HAUS7: variants seen among roughly 807,000 people sequenced by gnomAD.
HAUS7 encodes the protein HAUS augmin-like complex subunit 7.
In HAUS7, 3 loss-of-function variants were observed where a neutral mutation model predicts 28.4. That is an observed-to-expected ratio of 0.11 (90% CI 0.05 to 0.27). HAUS7 has a LOEUF of 0.27. HAUS7 is among the 10% of genes least tolerant of loss of function. HAUS7 has a pLI of 1.00. For synonymous variants in HAUS7, 165 were observed against 132.1 expected, an observed-to-expected ratio of 1.25 and a Z score of -1.71; for missense variants, 284 against 297.3, an observed-to-expected ratio of 0.96 and a Z score of 0.33.
rs782312824 is a variant in HAUS7 at position 153,456,566 on chromosome X, G to A, written c.532C>T (p.Leu178=). ...LFSSPHLQML[L]NPECDPWPLD... is the part of the protein sequence containing the mutation. ...GGCCACGGGTCGCACTCTGGATTCAGGAGCATCTGCAGGTGGGGGCTAGAG... is the reference window on the plus strand; with the variant it reads ...GGCCACGGGTCGCACTCTGGATTCAAGAGCATCTGCAGGTGGGGGCTAGAG... The change falls in exon 6 of 10, where the codon CTG becomes TTG. Residue 178 remains leucine (L), a synonymous_variant. Transcript: ENST00000370211. 7.6e-6 allele frequency: 9 copies of A among 1,177,982 alleles called. No individual in the cohort carries two copies. The highest frequency in any genetic ancestry group is 1.0e-5 in the Non-Finnish European group (9 of 877,464).
At chrX:153,481,583 G>C in intron 1 of HAUS7, 1 of 756,143 alleles carries the variant, frequency 1.3e-6, no homozygotes, top group Non-Finnish European at 1.6e-6. Context: ...ATCGCCTGTG[G>C]CAATGTCAAG....
chrX:153,475,054 C>T (rs199514286), upstream of HAUS7, among the ~76,000 whole-genome samples: 14 of 112,454 alleles, frequency 1.2e-4, no homozygotes, highest in East Asian at 8.4e-4. Flanking sequence ...CCGAGCTCCC[C>T]GGCCGGGCCT....
At chrX:153,455,398 G>GCCCAGCCCCT (rs376879439) in intron 8 of HAUS7, 144 bp downstream of exon 8, 10,475 of 465,240 alleles carry the variant, frequency 0.023, 571 homozygotes, top group African/African-American at 0.18. Flanking sequence ...AGGGAGCCCA[G>GCCCAGCCCCT]CCCAGCCCCT....
chrX:153,471,269 T>C (rs1045179986), upstream of HAUS7: 5 of 225,596 alleles, frequency 2.2e-5, no homozygotes, highest in African/African-American at 1.4e-4. Flanking sequence ...CCCACTGGGT[T>C]GCTAATGAGG....
intron 1 of HAUS7, among the ~76,000 whole-genome samples, chrX:153,485,379 T>G (rs1556988263): frequency 9.0e-6 from 1 of 111,267 alleles, no homozygotes; most frequent in African/African-American, 3.3e-5. Flanking sequence ...ATTTTAGGCG[T>G]CACCCTCTGA....
upstream of HAUS7, among the ~76,000 whole-genome samples, chrX:153,474,730 CGG>C (rs2089551023): frequency 4.5e-5 from 1 of 22,142 alleles, no homozygotes; most frequent in Non-Finnish European, 9.7e-5. Context: ...GGGGCGGGGG[CGG>C]GGGCGCGGGC....
At chrX:153,481,687 G>A (rs931432451) in intron 1 of HAUS7, 25 of 749,775 alleles carry the variant, frequency 3.3e-5, no homozygotes, top group Non-Finnish European at 3.8e-5. Context: ...CCCTGCAGCA[G>A]GGGTGAGAAG....
intron 1 of HAUS7, chrX:153,486,856 G>A (rs889134598): frequency 1.0e-6 from 1 of 955,457 alleles, no homozygotes; most frequent in Admixed American, 3.0e-5. Flanking sequence ...TTCTCGAGGG[G>A]GTGGAGGGGC....
chrX:153,483,987 G>A (rs1434495090), intron 1 of HAUS7, among the ~76,000 whole-genome samples: 1 of 112,283 alleles, frequency 8.9e-6, no homozygotes, highest in Non-Finnish European at 1.9e-5. Flanking sequence ...GCCACAAGCT[G>A]GGTGGCTTCA....
chrX:153,448,261 G>A (rs1556980456), intron 9 of HAUS7, among the ~76,000 whole-genome samples: 1 of 109,485 alleles, frequency 9.1e-6, no homozygotes, highest in Admixed American at 9.8e-5. Flanking sequence ...GGATGAAGCT[G>A]GAAACCATCA....
At chrX:153,485,889 C>T (rs1556988396) in intron 1 of HAUS7, 7 of 932,911 alleles carry the variant, frequency 7.5e-6, no homozygotes, top group South Asian at 2.3e-5. Context: ...CCTGGCTACG[C>T]GTTCGCGCAC....
intron 7 of HAUS7, 69 bp downstream of exon 7, chrX:153,456,196 G>A (rs1256207996): frequency 3.8e-5 from 32 of 838,861 alleles, no homozygotes; most frequent in East Asian, 3.4e-4. Context: ...TAAGCCTCAC[G>A]TGCTGAGGGA....
intron 4 of HAUS7, among the ~76,000 whole-genome samples, chrX:153,460,135 G>A (rs1459111336): frequency 2.7e-5 from 3 of 112,246 alleles, no homozygotes; most frequent in African/African-American, 9.7e-5. Flanking sequence ...CCGCAACATG[G>A]ACAAACCTTG....
intron 9 of HAUS7, among the ~76,000 whole-genome samples, chrX:153,453,714 T>A (rs935557983): frequency 9.0e-6 from 1 of 111,184 alleles, no homozygotes; most frequent in African/African-American, 3.3e-5. Context: ...CAAATGTGTA[T>A]CCATATAGGA....
At chrX:153,478,633 G>A (rs1477430801) in intron 1 of HAUS7, among the ~76,000 whole-genome samples, 2 of 112,424 alleles carry the variant, frequency 1.8e-5, no homozygotes, top group Non-Finnish European at 3.8e-5. Context: ...AGAAGGTAGA[G>A]ACCTGGAGGG....
At chrX:153,458,672 C>T (rs1307524415) in intron 4 of HAUS7, among the ~76,000 whole-genome samples, 1 of 112,021 alleles carries the variant, frequency 8.9e-6, no homozygotes, top group African/African-American at 3.2e-5. Flanking sequence ...AACTGCCAGA[C>T]TTTTCCATAA....
chrX:153,459,281 C>T (rs1556982897), intron 4 of HAUS7, among the ~76,000 whole-genome samples: 2 of 111,970 alleles, frequency 1.8e-5, no homozygotes, highest in African/African-American at 3.3e-5. Flanking sequence ...TTAATAGATT[C>T]GGGATACAAG....
chrX:153,471,588 G>A (rs781790407), upstream of HAUS7, among the ~76,000 whole-genome samples: 3 of 112,869 alleles, frequency 2.7e-5, no homozygotes, highest in Non-Finnish European at 5.6e-5. Context: ...GGAGTTGGAG[G>A]GTGGCTTGTG....
At chrX:153,450,619 A>G (rs1556980901) in intron 9 of HAUS7, among the ~76,000 whole-genome samples, 2 of 112,470 alleles carry the variant, frequency 1.8e-5, no homozygotes, top group Admixed American at 1.9e-4. Flanking sequence ...TGATGTTTTC[A>G]TGGCAGTGAG....
Sources: gnomAD v4.1 joint callset for allele counts (sites outside exome capture counted in the v4.1 genomes callset) on GRCh38, gnomAD v4.1.1 for gene constraint, MANE v1.5 for transcripts, NCBI Gene and HGNC (gene_info 2026-07-23, HGNC 2026-07-21) for gene names.